Variants in ARB2A observed in about 807,000 individuals in gnomAD.
ARB2A encodes cotranscriptional regulator ARB2A.
chr5:93,721,942 A>G, the ARB2A span, among the ~76,000 whole-genome samples: 1 of 152,174 alleles, frequency 6.6e-6, no homozygotes, highest in South Asian at 2.1e-4. Context: ...ACTTTTATGT[A>G]TTTTGCTATA....
the ARB2A span, among the ~76,000 whole-genome samples, chr5:94,100,774 T>C: frequency 6.6e-6 from 1 of 152,126 alleles, no homozygotes; most frequent in Non-Finnish European, 1.5e-5. Context: ...TTATACCATA[T>C]ACAAGAATAA....
At chr5:93,848,383 A>C in the ARB2A span, among the ~76,000 whole-genome samples, 1 of 150,178 alleles carries the variant, frequency 6.7e-6, no homozygotes, top group Non-Finnish European at 1.5e-5. Flanking sequence ...CTCTGTCTAA[A>C]GATTAAAAAA....
chr5:94,012,149 T>G, the ARB2A span, among the ~76,000 whole-genome samples: 1 of 152,140 alleles, frequency 6.6e-6, no homozygotes, highest in Non-Finnish European at 1.5e-5. Flanking sequence ...ACGCCTGTAA[T>G]CCCAACACTT....
At chr5:93,794,698 C>T in the ARB2A span, among the ~76,000 whole-genome samples, 1 of 152,136 alleles carries the variant, frequency 6.6e-6, no homozygotes, top group Non-Finnish European at 1.5e-5. Context: ...TGGGTCTAGA[C>T]ACCCAGCAGA....
chr5:93,883,918 TACACATACACACAC>T, the ARB2A span, among the ~76,000 whole-genome samples: 1 of 68,326 alleles, frequency 1.5e-5, no homozygotes, highest in African/African-American at 5.3e-5. Context: ...CACATACACA[TACACATACACACAC>T]ACACACACAC....
the ARB2A span, among the ~76,000 whole-genome samples, chr5:93,838,269 T>C: frequency 6.6e-6 from 1 of 152,234 alleles, no homozygotes; most frequent in Non-Finnish European, 1.5e-5. Context: ...CTTTTCCCAT[T>C]GCTTGTTTCT....
At chr5:93,738,593 G>GTA in the ARB2A span, 1 of 152,150 alleles carries the variant, frequency 6.6e-6, no homozygotes, top group Non-Finnish European at 1.5e-5. Flanking sequence ...ACAAAATGTG[G>GTA]TATATATCCA....
At chr5:93,852,332 T>G in the ARB2A span, among the ~76,000 whole-genome samples, 2 of 152,210 alleles carry the variant, frequency 1.3e-5, no homozygotes, top group African/African-American at 4.8e-5. Context: ...TTGTTGGAGT[T>G]CATTATAGAT....
chr5:93,733,131 T>G, the ARB2A span: 1 of 152,094 alleles, frequency 6.6e-6, no homozygotes, highest in South Asian at 2.1e-4. Context: ...TTAAACTTTT[T>G]AAAAAATTTC....
the ARB2A span, among the ~76,000 whole-genome samples, chr5:93,847,175 T>G: frequency 6.6e-6 from 1 of 152,214 alleles, no homozygotes; most frequent in South Asian, 2.1e-4. Flanking sequence ...ATCATGAGAT[T>G]GCAGCAATTC....
chr5:94,089,669 A>G, the ARB2A span, among the ~76,000 whole-genome samples: 5 of 151,074 alleles, frequency 3.3e-5, no homozygotes, highest in South Asian at 6.3e-4. Flanking sequence ...AGTAAGCTGT[A>G]AGCCTCCAGT....
At chr5:93,662,524 T>C in the ARB2A span, among the ~76,000 whole-genome samples, 6 of 152,246 alleles carry the variant, frequency 3.9e-5, no homozygotes, top group Non-Finnish European at 7.3e-5. Flanking sequence ...TTAAATGTTA[T>C]GTTTGTATGC....
At chr5:93,829,097 A>G in the ARB2A span, among the ~76,000 whole-genome samples, 1 of 152,072 alleles carries the variant, frequency 6.6e-6, no homozygotes, top group Non-Finnish European at 1.5e-5. Context: ...TTAATATGAC[A>G]TTCAAGGCCG....
chr5:93,777,848 G>A, the ARB2A span, among the ~76,000 whole-genome samples: 1 of 152,102 alleles, frequency 6.6e-6, no homozygotes, highest in Admixed American at 6.6e-5. Flanking sequence ...CACCAATAAA[G>A]GCCGAGGAAT....
chr5:93,993,007 T>C, the ARB2A span, among the ~76,000 whole-genome samples: 38 of 152,060 alleles, frequency 2.5e-4, 1 homozygote, highest in African/African-American at 8.9e-4. Context: ...TTTCCAGGGA[T>C]CTGCACACGA....
chr5:93,808,118 T>G, the ARB2A span, among the ~76,000 whole-genome samples: 1 of 151,982 alleles, frequency 6.6e-6, no homozygotes, highest in Non-Finnish European at 1.5e-5. Flanking sequence ...TAAAAAACCT[T>G]ACGGCTATAT....
the ARB2A span, among the ~76,000 whole-genome samples, chr5:93,836,821 A>G: frequency 3.9e-5 from 6 of 152,218 alleles, no homozygotes; most frequent in African/African-American, 1.4e-4. Flanking sequence ...AGTTACCAGT[A>G]TTAGAAATTT....
chr5:93,832,295 C>T, the ARB2A span, among the ~76,000 whole-genome samples: 1 of 152,158 alleles, frequency 6.6e-6, no homozygotes, highest in Non-Finnish European at 1.5e-5. Context: ...AAGCCAATAT[C>T]TTTGCAATAA....
the ARB2A span, among the ~76,000 whole-genome samples, chr5:93,891,787 C>T: frequency 1.3e-5 from 2 of 151,950 alleles, no homozygotes; most frequent in Admixed American, 6.6e-5. Flanking sequence ...AGATTTTAAC[C>T]GCCAGAGCAT....
Sources: allele counts gnomAD v4.1 joint callset (sites outside exome capture counted in the v4.1 genomes callset), GRCh38; gene constraint gnomAD v4.1.1; transcripts MANE v1.5; gene names NCBI Gene and HGNC (gene_info 2026-07-23, HGNC 2026-07-21).